The following RDH13 variants were observed in gnomAD, a reference collection of about 807,000 sequenced individuals.
RDH13 encodes the protein retinol dehydrogenase 13.
In RDH13, 35 loss-of-function variants were observed where a neutral mutation model predicts 28.3. The observed-to-expected ratio is 1.24, with a 90% CI of 0.95 to 1.64. The LOEUF (loss-of-function observed/expected upper bound fraction) is 1.64. Among genes scored for constraint, RDH13 ranks in the 40% most tolerant of loss-of-function variants. The probability of loss-of-function intolerance (pLI) is 0.00; values close to 1 mark genes in which losing one functional copy is unlikely to be tolerated. For synonymous variants in RDH13, 229 were observed against 198.5 expected (o/e 1.15, Z -1.29); for missense variants, 514 against 446.3 (o/e 1.15, Z -1.37).
chr19:55,040,012 G>A (rs184251204), downstream of RDH13, among the ~76,000 whole-genome samples: 23 of 152,320 alleles, frequency 1.5e-4, no homozygotes, highest in African/African-American at 4.6e-4. Context: ...GATTAGAATG[G>A]TGGTTGCCAA....
intron 3 of RDH13, chr19:55,050,601 C>G (rs1458140444): frequency 6.6e-6 from 1 of 152,170 alleles, no homozygotes; most frequent in Non-Finnish European, 1.5e-5. Context: ...ACGTCTGTTT[C>G]TGTGCGCAAA....
At chr19:55,064,986 A>G (rs1163705939), upstream of RDH13, among the ~76,000 whole-genome samples, 1 of 149,838 alleles carries the variant, frequency 6.7e-6, no homozygotes, top group Admixed American at 7.0e-5. Flanking sequence ...GACGGTGGTG[A>G]TGGTTGCACA....
In RDH13 at chr19:55,045,178, G is replaced by A; in HGVS notation, c.892C>T (p.Pro298Ser). 1 of 1,613,680 alleles carries A rather than the reference G, an allele frequency of 6.2e-7. No homozygotes were observed. The highest frequency in any genetic ancestry group is 8.5e-7 in the Non-Finnish European group (1 of 1,180,022). ...GCCACCTCCTCATCCTCAGCCTCGG[G>A]GGCCGGGGCCTTCTGTTTGAGTCCA... is the stretch of plus-strand genomic sequence containing the variant. ...FDGLKQKAPA[P>S]EAEDEEVARR... The change falls in exon 7 of 7, where the codon CCC becomes TCC. Residue 298 changes from proline to serine, a missense_variant. Transcript: ENST00000415061.
At chr19:55,056,485 G>C (rs1014260266) in intron 3 of RDH13, among the ~76,000 whole-genome samples, 168 bp downstream of exon 3, 33 of 86,774 alleles carry the variant, frequency 3.8e-4, no homozygotes, top group African/African-American at 1.5e-3. Context: ...AATAAATAAA[G>C]TCGTTGCTTG....
chr19:55,045,951 A>G (rs2075214326), intron 6 of RDH13, among the ~76,000 whole-genome samples: 1 of 142,118 alleles, frequency 7.0e-6, no homozygotes, highest in African/African-American at 2.6e-5. Flanking sequence ...CGTCTCAAAA[A>G]AAAAAAAAAA....
At chr19:55,061,977 C>T (rs1345589813) in intron 1 of RDH13, among the ~76,000 whole-genome samples, 1 of 152,010 alleles carries the variant, frequency 6.6e-6, no homozygotes, top group Non-Finnish European at 1.5e-5. Flanking sequence ...ATTAGACAGG[C>T]GTGGTGGCAC....
Position 55,045,106 on chromosome 19 carries a change from G to A in RDH13, c.964C>T (p.Pro322Ser), listed in dbSNP as rs1416782549. Residue 322 changes from proline (P) to serine (S), a missense_variant, in exon 7 of 7, where the codon CCC (proline) becomes TCC (serine). Pro to Ser is a moderately conservative substitution (Grantham distance 74). Transcript: ENST00000415061. ...ESARLVGLEA[P>S]SVREQPLPR is the part of the protein sequence containing the mutation. ...GGGAGGGGCTGCTCCCTCACAGAGG[G>A]AGCCTCTAAGCCCACCAGGCGGGCA... 1.2e-6 allele frequency: 2 copies of A among 1,611,382 alleles called. No homozygotes were observed. The highest frequency in any genetic ancestry group is 1.7e-5 in the Admixed American group (1 of 59,640).
chr19:55,047,293 AG>A, intron 6 of RDH13, 93 bp downstream of exon 6: 1 of 1,523,120 alleles, frequency 6.6e-7, no homozygotes. Context: ...ATGAGGCCTC[AG>A]GGACGGTCTC....
chr19:55,048,258 C>A, intron 5 of RDH13, 71 bp downstream of exon 5: 1 of 1,598,152 alleles, frequency 6.3e-7, no homozygotes. Context: ...TCCCATCAGC[C>A]TAGGATCATG....
chr19:55,064,727 C>T (rs1331411567), upstream of RDH13, among the ~76,000 whole-genome samples: 2 of 150,456 alleles, frequency 1.3e-5, no homozygotes, highest in Non-Finnish European at 2.9e-5. Flanking sequence ...ATTCTCCTGC[C>T]TCAGCCTCCC....
chr19:55,060,116 AC>A, intron 1 of RDH13, among the ~76,000 whole-genome samples: 1 of 150,378 alleles, frequency 6.6e-6, no homozygotes. Context: ...CCAGCCCAAC[AC>A]CCGTAAAGGG....
At chr19:55,045,817 G>A (rs1671221) in intron 6 of RDH13, among the ~76,000 whole-genome samples, 4,036 of 151,684 alleles carry the variant, frequency 0.027, 62 homozygotes, top group Non-Finnish European at 0.033. Flanking sequence ...GTGGTGGCGG[G>A]TGCCTGTAAT....
In RDH13 at chr19:55,048,380, T is replaced by C; in HGVS notation, c.607A>G (p.Ser203Gly). 1 of 1,614,190 alleles carries C rather than the reference T, an allele frequency of 6.2e-7. No individual in the cohort carries two copies. The highest frequency in any genetic ancestry group is 8.5e-7 in the Non-Finnish European group (1 of 1,180,042). The change falls in exon 5 of 7, where the codon AGC becomes GGC. Residue 203 changes from serine to glycine, a missense_variant. Physicochemically the swap from Ser to Gly is moderately conservative, Grantham distance 56 (BLOSUM62 0). Transcript: ENST00000415061. ...GTGAAGAGGACGATGGCGAGCTTGC[T>C]CTGGCAGTAGGCGGCTTTGGTGTTA... is the stretch of plus-strand genomic sequence containing the variant. ...KYNTKAAYCQ[S>G]KLAIVLFTKE...
At chr19:55,046,145 G>A (rs1345902974) in intron 6 of RDH13, among the ~76,000 whole-genome samples, 1 of 150,604 alleles carries the variant, frequency 6.6e-6, no homozygotes, top group Non-Finnish European at 1.5e-5. Context: ...ACTTTGGGAG[G>A]CTGAGACAGG....
chr19:55,044,932 C>CCG lies in RDH13; in HGVS notation c.*140_*141dup. On this transcript the variant is annotated 3_prime_UTR_variant, in exon 7 of 7. Transcript: ENST00000415061. ...GCAGGCCAGTCCACTGCGGCCAGCA[C>CCG]CGCCCCCTAGAACCTACTGCGGGCA... 1 of 639,852 alleles carries CCG rather than the reference C, an allele frequency of 1.6e-6. No individual in the cohort carries two copies. Among genetic ancestry groups the CCG allele is most frequent in the East Asian group, 2.8e-5 (1 of 36,272 alleles). The allele number at this position is 639,852 out of a possible 1,614,324, so 39.6% of individuals were successfully genotyped here. A position where few individuals can be genotyped will look rare whatever the true frequency, so the allele number is the denominator to read the frequency against.
intron 3 of RDH13, among the ~76,000 whole-genome samples, chr19:55,056,185 C>G (rs145794719): frequency 6.6e-6 from 1 of 150,828 alleles, no homozygotes; most frequent in Non-Finnish European, 1.5e-5. Context: ...CAAAGTCAGC[C>G]GGGCGCAGTG....
At chr19:55,068,771 G>A (rs1602863477) in intron 1 of RDH13, 1 of 135,114 alleles carries the variant, frequency 7.4e-6, no homozygotes. Context: ...GGGAGGCGGA[G>A]CTTGCAGTGA....
chr19:55,047,137 C>T (rs2075261668), intron 6 of RDH13: 5 of 1,398,714 alleles, frequency 3.6e-6, no homozygotes, highest in Admixed American at 3.0e-5. Context: ...GCGTCAGCTC[C>T]ACGGCCTCTT....
chr19:55,063,946 C>G (rs1188763240), upstream of RDH13: 2 of 152,202 alleles, frequency 1.3e-5, no homozygotes, highest in Non-Finnish European at 2.9e-5. Context: ...GCGAGTGTAT[C>G]TGATCACCAC....
Sources: gnomAD v4.1 joint callset for allele counts (sites outside exome capture counted in the v4.1 genomes callset) on GRCh38, gnomAD v4.1.1 for gene constraint, MANE v1.5 for transcripts, NCBI Gene and HGNC (gene_info 2026-07-23, HGNC 2026-07-21) for gene names.